Variants in PTP4A1 observed in about 807,000 individuals in gnomAD.
PTP4A1 encodes the protein protein tyrosine phosphatase 4A1, also known as protein tyrosine phosphatase type IVA 1.
A neutral mutation model predicts 20.5 loss-of-function variants in PTP4A1; 9 were observed. The observed-to-expected ratio is 0.44, with a 90% CI of 0.26 to 0.77. The LOEUF (loss-of-function observed/expected upper bound fraction) is 0.77, where lower values mean the gene tolerates loss of function less well. PTP4A1 is among the 30% of genes least tolerant of loss of function. The pLI, the probability that PTP4A1 is intolerant of heterozygous loss-of-function variation, is 0.19. For missense variants in PTP4A1, 137 were observed against 218.8 expected, an observed-to-expected ratio of 0.63 and a Z score of 2.36; for synonymous variants, 78 against 67.4, an observed-to-expected ratio of 1.16 and a Z score of -0.77.
chr6:63,577,604 T>A (rs1446488290), intron 2 of PTP4A1, among the ~76,000 whole-genome samples: 1 of 152,172 alleles, frequency 6.6e-6, no homozygotes, highest in Non-Finnish European at 1.5e-5. Context: ...TCACCCAGGC[T>A]GGAGTGCAGT....
chr6:63,554,537 C>A (rs1245989833), intron 3 of PTP4A1, among the ~76,000 whole-genome samples: 2 of 152,184 alleles, frequency 1.3e-5, no homozygotes, highest in Non-Finnish European at 2.9e-5. Context: ...GTGGCTCACA[C>A]CTGTAATCCC....
At chr6:63,555,724 C>T (rs1776656497) in intron 3 of PTP4A1, among the ~76,000 whole-genome samples, 1 of 145,570 alleles carries the variant, frequency 6.9e-6, no homozygotes, top group East Asian at 2.0e-4. Flanking sequence ...GACGGAGTCT[C>T]GCTCTGTCAC....
intron 3 of PTP4A1, among the ~76,000 whole-genome samples, chr6:63,550,983 T>C (rs558496991): frequency 3.9e-5 from 6 of 152,142 alleles, no homozygotes; most frequent in Admixed American, 6.6e-5. Context: ...TGTATATACA[T>C]GACCATAATT....
chr6:63,520,785 C>G (rs1323015032), upstream of PTP4A1, among the ~76,000 whole-genome samples: 3 of 152,008 alleles, frequency 2.0e-5, no homozygotes, highest in Non-Finnish European at 4.4e-5. Context: ...AGTTACTGTT[C>G]TTTTTAATTT....
In PTP4A1 at chr6:63,549,208, T is replaced by C. The variant is rs1323255127; in HGVS notation, c.-639-1092T>C. 136 of 712,068 alleles carry C rather than the reference T, an allele frequency of 1.9e-4. 1 individual carries two copies. Among genetic ancestry groups the C allele is most frequent in the Non-Finnish European group, 2.8e-5 (11 of 392,406 alleles). The allele number at this position is 712,068 out of a possible 1,614,324, so 44.1% of individuals were successfully genotyped here. A position where few individuals can be genotyped will look rare whatever the true frequency, so the allele number is the denominator to read the frequency against. ...TCTTGCTTAGTCTCTGATCTGTACT[T>C]GTGGGCCAGCTGAAGTAGCAGAGCA... On this transcript the variant is annotated intron_variant, in intron 2 of 3. Transcript: ENST00000639568.
Position 63,567,153 on chromosome 6 carries a change from C to T in PTP4A1, c.-445-9283C>T, listed in dbSNP as rs1777226939. Among the ~76,000 whole-genome samples, 5 of 152,322 alleles carry T rather than the reference C, an allele frequency of 3.3e-5. No homozygotes were observed. In the South Asian group the frequency reaches 1.0e-3, roughly 32 times the overall value. ...CATCCATGAGAGTTGGAGTTAACTT[C>T]TTTCAAACTCCTGTTCATGCTGATA... On this transcript the variant is annotated intron_variant, in intron 3 of 3. Coordinates refer to the PTP4A1 transcript ENST00000639568.
chr6:63,577,969 T>C (rs1344440028), intron 2 of PTP4A1, among the ~76,000 whole-genome samples: 1 of 135,748 alleles, frequency 7.4e-6, no homozygotes, highest in Non-Finnish European at 1.5e-5. Context: ...GCTTTTTTAC[T>C]GTAGTTAAGA....
chr6:63,532,238 T>C (rs1775504379), intron 2 of PTP4A1, among the ~76,000 whole-genome samples: 1 of 152,254 alleles, frequency 6.6e-6, no homozygotes, highest in African/African-American at 2.4e-5. Context: ...TTTCTTCTAG[T>C]GTCACAATTT....
intron 2 of PTP4A1, among the ~76,000 whole-genome samples, chr6:63,531,001 T>G (rs1441851842): frequency 6.6e-6 from 1 of 152,232 alleles, no homozygotes; most frequent in East Asian, 1.9e-4. Context: ...TAATTTCAAC[T>G]ATTCAACTAA....
At chr6:63,577,458 A>G (rs1777942634) in intron 2 of PTP4A1, among the ~76,000 whole-genome samples, 1 of 152,248 alleles carries the variant, frequency 6.6e-6, no homozygotes. Flanking sequence ...AAGGAATTGA[A>G]TGCTGAATAA....
intron 5 of PTP4A1, 51 bp from the exon 6 acceptor site, chr6:63,580,006 T>TATGGTTGTTGTCTATAAGAC (rs1430125353): frequency 7.3e-7 from 1 of 1,361,464 alleles, no homozygotes; most frequent in Non-Finnish European, 1.0e-6. Flanking sequence ...CACTAAATAT[T>TATGGTTGTTGTCTATAAGAC]ACTGTAGGGG....
intron 1 of PTP4A1, among the ~76,000 whole-genome samples, chr6:63,522,241 AT>A (rs1774957406): frequency 6.6e-6 from 1 of 152,188 alleles, no homozygotes; most frequent in African/African-American, 2.4e-5. Flanking sequence ...TATATGGCAA[AT>A]TTTAACTGTT....
intron 2 of PTP4A1, among the ~76,000 whole-genome samples, chr6:63,547,481 C>T (rs1284637128): frequency 2.0e-5 from 3 of 149,326 alleles, no homozygotes; most frequent in Admixed American, 6.7e-5. Flanking sequence ...TCTGCCACCT[C>T]GCCCGGCCAG....
At chr6:63,541,674 A>G (rs2149484247) in intron 2 of PTP4A1, among the ~76,000 whole-genome samples, 1 of 152,260 alleles carries the variant, frequency 6.6e-6, no homozygotes, top group South Asian at 2.1e-4. Context: ...TATTTCACCA[A>G]GCAATTAGAA....
At position 63,553,572 on chromosome 6, in the gene PTP4A1, G is replaced by T. The variant is rs531710105; in HGVS notation, c.-446+3079G>T. On this transcript the variant is annotated intron_variant, in intron 3 of 3. Transcript: ENST00000639568. ...TCAGTGTAGCTAATTTGTCAGCCTT[G>T]CCTGGACATTAGCACATATTTAGAT... is the stretch of plus-strand genomic sequence containing the variant. Among the ~76,000 whole-genome samples, 18 of 152,304 alleles carry T rather than the reference G, an allele frequency of 1.2e-4. No homozygotes were observed. In the East Asian group the frequency reaches 3.3e-3, roughly 28 times the overall value.
intron 3 of PTP4A1, among the ~76,000 whole-genome samples, chr6:63,556,220 C>T (rs1396267763): frequency 6.6e-6 from 1 of 151,868 alleles, no homozygotes; most frequent in African/African-American, 2.4e-5. Flanking sequence ...GTTGCAGTGC[C>T]ACAATCACAG....
chr6:63,581,861 C>T lies in PTP4A1; in HGVS notation c.*1687C>T, dbSNP rs1237110842. On this transcript the variant is annotated 3_prime_UTR_variant, in exon 6 of 6. Coordinates refer to ENST00000626021, the MANE Select transcript of PTP4A1 (RefSeq NM_003463.5). ...TTAATTTAAATATTAGTATTTGGTA[C>T]ATGAAGGCTTAATGTTAAGTTTCCT... The T allele has an allele frequency of 6.6e-6, 1 of 152,142 alleles. No homozygotes were observed. The highest frequency in any genetic ancestry group is 1.5e-5 in the Non-Finnish European group (1 of 67,992). 9.4% of individuals were successfully genotyped at this position (152,142 alleles called of 1,614,324 possible). A position where few individuals can be genotyped will look rare whatever the true frequency, so the allele number is the denominator to read the frequency against.
intron 2 of PTP4A1, among the ~76,000 whole-genome samples, chr6:63,545,610 CAAAA>C (rs759062646): frequency 2.8e-5 from 4 of 142,032 alleles, no homozygotes; most frequent in African/African-American, 1.0e-4. Context: ...GACTCTGTCT[CAAAA>C]AAAAAAAGGA....
At chr6:63,559,129 C>T (rs1352538301) in intron 3 of PTP4A1, among the ~76,000 whole-genome samples, 7 of 152,112 alleles carry the variant, frequency 4.6e-5, no homozygotes, top group Non-Finnish European at 5.9e-5. Flanking sequence ...TGTCCATTAG[C>T]GGGAAATCAA....
Sources: allele counts gnomAD v4.1 joint callset (sites outside exome capture counted in the v4.1 genomes callset), GRCh38; gene constraint gnomAD v4.1.1; transcripts MANE v1.5; gene names NCBI Gene and HGNC (gene_info 2026-07-23, HGNC 2026-07-21).